Variants in HMOX2 observed in about 807,000 individuals in gnomAD.
HMOX2 encodes heme oxygenase 2.
Under a neutral mutation model 33.7 loss-of-function variants are expected in HMOX2, and 30 were observed. The ratio of observed to expected loss-of-function variants is 0.89; its 90% CI spans 0.67 to 1.21. HMOX2 has a LOEUF of 1.21. HMOX2 is among the 50% of genes most tolerant of loss of function. The pLI, the probability that HMOX2 is intolerant of heterozygous loss-of-function variation, is 0.00. For missense variants in HMOX2, 403 were observed against 399.1 expected, an observed-to-expected ratio of 1.01 and a Z score of -0.08; for synonymous variants, 155 against 155.0, an observed-to-expected ratio of 1.00 and a Z score of 0.00.
chr16:4,509,095 G>A (rs1248999332), intron 4 of HMOX2, among the ~76,000 whole-genome samples: 1 of 152,210 alleles, frequency 6.6e-6, no homozygotes, highest in African/African-American at 2.4e-5. Context: ...GCTCATGCCT[G>A]TAATCCCAGC....
chr16:4,489,097 A>G (rs1193915999), intron 1 of HMOX2, among the ~76,000 whole-genome samples: 2 of 152,150 alleles, frequency 1.3e-5, no homozygotes, highest in African/African-American at 2.4e-5. Flanking sequence ...TATGCTACCA[A>G]TCAGGCTTTC....
upstream of HMOX2, among the ~76,000 whole-genome samples, chr16:4,475,252 C>T (rs2057785801): frequency 6.6e-6 from 1 of 151,870 alleles, no homozygotes; most frequent in East Asian, 1.9e-4. Flanking sequence ...CGTGCCCAGC[C>T]CTAACTCACT....
In HMOX2 at chr16:4,508,974, G is replaced by A. The variant is rs1024033258; in HGVS notation, c.697-438G>A. On this transcript the variant is annotated intron_variant, in intron 4 of 5. Transcript: ENST00000570646. ...AAGACCATCAGGCAGTGCAGCTGCC[G>A]CCCACCAGTGCTGCTTGCTGTGTAG... Among the ~76,000 whole-genome samples the A allele has an allele frequency of 5.3e-5, 8 of 152,184 alleles. 1 individual carries two copies. In the South Asian group the frequency reaches 1.2e-3, roughly 24 times the overall value.
At chr16:4,477,058 G>A (rs543302169) in intron 1 of HMOX2, among the ~76,000 whole-genome samples, 1 of 152,276 alleles carries the variant, frequency 6.6e-6, no homozygotes, top group South Asian at 2.1e-4. Flanking sequence ...GACTGGGAGG[G>A]ATCAAGTGTG....
intron 1 of HMOX2, among the ~76,000 whole-genome samples, chr16:4,477,873 A>T (rs2057910851): frequency 6.6e-6 from 1 of 152,190 alleles, no homozygotes. Flanking sequence ...GTGAGCTGAG[A>T]TCGCATCACT....
Position 4,506,798 on chromosome 16 carries a change from G to C in HMOX2, c.87-97G>C. 4 of 833,310 alleles carry C rather than the reference G, an allele frequency of 4.8e-6. No individual in the cohort carries two copies. The South Asian group carries it at 5.8e-5, about 12-fold the overall frequency. 51.6% of individuals were successfully genotyped at this position (833,310 alleles called of 1,614,324 possible). A position where few individuals can be genotyped will look rare whatever the true frequency, so the allele number is the denominator to read the frequency against. On this transcript the variant is annotated intron_variant, in intron 2 of 5. Transcript: ENST00000570646. ...GCCCCAGCCTCCAGTACAACAGGTGGTCACCTTGGGGTGTGGACTCAATCT... is the reference window on the plus strand; with the variant it reads ...GCCCCAGCCTCCAGTACAACAGGTGCTCACCTTGGGGTGTGGACTCAATCT...
chr16:4,504,604 C>T (rs1413829935), intron 1 of HMOX2, among the ~76,000 whole-genome samples: 3 of 151,586 alleles, frequency 2.0e-5, no homozygotes, highest in Non-Finnish European at 4.4e-5. Context: ...AGGTGATCCA[C>T]CCACCTTGGC....
At chr16:4,484,618 G>A (rs17883466) in intron 1 of HMOX2, among the ~76,000 whole-genome samples, 5,163 of 150,304 alleles carry the variant, frequency 0.034, 303 homozygotes, top group African/African-American at 0.12. Context: ...GCACCACCAC[G>A]CCTGGCTGAT....
intron 1 of HMOX2, among the ~76,000 whole-genome samples, chr16:4,477,848 G>A (rs766011406): frequency 3.3e-5 from 5 of 152,166 alleles, no homozygotes; most frequent in Non-Finnish European, 7.3e-5. Context: ...TTGAGCCCAC[G>A]AAGTGGAGAT....
chr16:4,504,315 TA>T (rs2058633067), intron 1 of HMOX2, among the ~76,000 whole-genome samples: 1 of 151,348 alleles, frequency 6.6e-6, no homozygotes, highest in South Asian at 2.1e-4. Flanking sequence ...TTTGTTTCCC[TA>T]AGGTTTTTGA....
At chr16:4,475,295 T>G (rs530841193), upstream of HMOX2, among the ~76,000 whole-genome samples, 20 of 150,216 alleles carry the variant, frequency 1.3e-4, no homozygotes, top group South Asian at 1.1e-3. Context: ...CTGATTTCAG[T>G]TTTTTTTTGT....
In HMOX2 at chr16:4,507,026, A is replaced by G. The variant is rs1301261576; in HGVS notation, c.204+14A>G. 3.9e-6 allele frequency: 6 copies of G among 1,536,386 alleles called. No homozygotes were observed. Among genetic ancestry groups the G allele is most frequent in the Middle Eastern group, 3.4e-4 (2 of 5,910 alleles). On this transcript the variant is annotated intron_variant, in intron 3 of 5. Transcript: ENST00000570646. ...GAGCTGTTTAAGGTTTGTGCCCCGC[A>G]TTGGGTTCCAGACTGTCATATGGGG...
rs529232647 is a variant in HMOX2 at position 4,507,831 on chromosome 16, C to T, written c.323C>T (p.Ala108Val). Residue 108 changes from alanine (A) to valine (V), a missense_variant, in exon 4 of 6, where the codon GCG becomes GTG. By Grantham distance (64) the Ala-to-Val change is moderately conservative. Transcript: ENST00000570646. ...YFPMELHRKE[A>V]LTKDMEYFFG... The stretch of plus-strand genomic sequence containing the variant: ...CCCATGGAGCTGCACCGGAAGGAGG[C>T]GCTGACCAAGGACATGGAGTATTTC... 15 of 1,614,202 alleles carry T rather than the reference C, an allele frequency of 9.3e-6. No individual in the cohort carries two copies. Among genetic ancestry groups the T allele is most frequent in the Admixed American group, 5.0e-5 (3 of 60,028 alleles).
intron 1 of HMOX2, chr16:4,502,600 C>G (rs1293286959): frequency 6.6e-6 from 1 of 152,246 alleles, no homozygotes; most frequent in Non-Finnish European, 1.5e-5. Context: ...CTAGATAGCT[C>G]AGTGTTTTCA....
chr16:4,498,492 A>G (rs933270876), intron 1 of HMOX2, among the ~76,000 whole-genome samples: 1 of 151,424 alleles, frequency 6.6e-6, no homozygotes, highest in Non-Finnish European at 1.5e-5. Flanking sequence ...CTCTTGCCCC[A>G]GTTTCCCGAG....
At chr16:4,485,725 A>ATTTTTG (rs750470165) in intron 1 of HMOX2, among the ~76,000 whole-genome samples, 15 of 151,776 alleles carry the variant, frequency 9.9e-5, no homozygotes, top group Non-Finnish European at 2.1e-4. Flanking sequence ...TTTTGTTTTT[A>ATTTTTG]TTTTTGTTTT....
chr16:4,485,755 G>C (rs1328146919), intron 1 of HMOX2, among the ~76,000 whole-genome samples: 1 of 152,070 alleles, frequency 6.6e-6, no homozygotes, highest in South Asian at 2.1e-4. Flanking sequence ...GAGAAGTCTC[G>C]CTCTTGTCCC....
chr16:4,498,982 A>C (rs144988671), intron 1 of HMOX2, among the ~76,000 whole-genome samples: 1 of 152,222 alleles, frequency 6.6e-6, no homozygotes, highest in South Asian at 2.1e-4. Flanking sequence ...GGCATCTGCA[A>C]TGTGGGTATT....
chr16:4,486,515 G>A (rs1446497076), intron 1 of HMOX2, among the ~76,000 whole-genome samples: 1 of 152,226 alleles, frequency 6.6e-6, no homozygotes, highest in East Asian at 1.9e-4. Context: ...GATGAGGTGA[G>A]TTGAAGACAC....
Sources: gnomAD v4.1 joint callset for allele counts (sites outside exome capture counted in the v4.1 genomes callset) on GRCh38, gnomAD v4.1.1 for gene constraint, MANE v1.5 for transcripts, NCBI Gene and HGNC (gene_info 2026-07-23, HGNC 2026-07-21) for gene names.